NAV1: variants seen among roughly 807,000 people sequenced by gnomAD.
NAV1 encodes the protein pore membrane and/or filament interacting like protein 3.
A neutral mutation model predicts 175.2 loss-of-function variants in NAV1; 18 were observed. That is an observed-to-expected ratio of 0.10 (90% CI 0.07 to 0.15). NAV1 has a LOEUF of 0.15. Among genes scored for constraint, NAV1 ranks in the 10% least tolerant of loss-of-function variants. The pLI, the probability that NAV1 is intolerant of heterozygous loss-of-function variation, is 1.00. For missense variants in NAV1, 1,731 were observed against 2,436.6 expected (o/e 0.71, Z 6.10); for synonymous variants, 897 against 978.7 (o/e 0.92, Z 1.56).
chr1:201,623,746 T>C, intron 1 of NAV1, 140 bp downstream of exon 3: 1 of 826,360 alleles, frequency 1.2e-6, no homozygotes, highest in Non-Finnish European at 1.5e-6. Context: ...AGAAGTTAGG[T>C]AGGTGGAGGC....
chr1:201,791,550 C>A (rs139291584), intron 13 of NAV1: 14 of 152,340 alleles, frequency 9.2e-5, no homozygotes, highest in Non-Finnish European at 1.8e-4. Context: ...ACAGCTGAGC[C>A]GGATCTGCAG....
intron 1 of NAV1, among the ~76,000 whole-genome samples, chr1:201,687,323 A>T (rs1001147102): frequency 6.6e-6 from 1 of 152,194 alleles, no homozygotes; most frequent in African/African-American, 2.4e-5. Flanking sequence ...TCAACCAAGG[A>T]TACATCTATT....
intron 2 of NAV1, among the ~76,000 whole-genome samples, chr1:201,634,954 C>T (rs12048854): frequency 0.3 from 45,062 of 152,092 alleles, 7,422 homozygotes; most frequent in African/African-American, 0.45. Flanking sequence ...CCCTGTTTCT[C>T]GCTGCACCAA....
At chr1:201,702,557 A>G (rs1671470883) in intron 1 of NAV1, among the ~76,000 whole-genome samples, 1 of 152,060 alleles carries the variant, frequency 6.6e-6, no homozygotes, top group Non-Finnish European at 1.5e-5. Flanking sequence ...TTTAGTAGAG[A>G]TGGGGTTTCA....
At chr1:201,683,372 T>C (rs948977690) in intron 1 of NAV1, among the ~76,000 whole-genome samples, 1 of 152,120 alleles carries the variant, frequency 6.6e-6, no homozygotes, top group African/African-American at 2.4e-5. Context: ...GAATACAATT[T>C]TTCCACGGAC....
rs147116714 is a variant in NAV1 at position 201,641,838 on chromosome 1, G to C, written c.5-6796G>C. 5.9e-5 allele frequency among the ~76,000 whole-genome samples: 9 copies of C among 152,174 alleles called. No individual in the cohort carries two copies. In the East Asian group the frequency reaches 1.7e-3, roughly 30 times the overall value. On this transcript the variant is annotated intron_variant, in intron 2 of 29. Transcript: ENST00000367302. ...CTCCCCTGCTCTGCCCTTAACCCTG[G>C]AGGAAGCCAAGTATGGGCTCATGTG...
chr1:201,544,658 G>A (rs1665616146), intron 1 of NAV1, among the ~76,000 whole-genome samples: 1 of 152,140 alleles, frequency 6.6e-6, no homozygotes, highest in Non-Finnish European at 1.5e-5. Context: ...ACCCATCGCT[G>A]AAAGATCCCA....
rs1675858764 is a variant in NAV1, at chr1:201,775,222, G to A, written c.1227-5199G>A. Among the ~76,000 whole-genome samples, 3 of 152,152 alleles carry A rather than the reference G, an allele frequency of 2.0e-5. No homozygotes were observed. The South Asian group carries it at 6.2e-4, about 31-fold the overall frequency. On this transcript the variant is annotated intron_variant, in intron 3 of 29. Transcript: ENST00000367296. ...TAAAACAGGTAGTCTCTGGACTGGTGGACTCCTGACACAAGTGAGGGCATA... is the reference window on the plus strand; with the variant it reads ...TAAAACAGGTAGTCTCTGGACTGGTAGACTCCTGACACAAGTGAGGGCATA...
chr1:201,707,372 C>T (rs748586936), intron 1 of NAV1, among the ~76,000 whole-genome samples: 2 of 152,136 alleles, frequency 1.3e-5, no homozygotes, highest in Non-Finnish European at 2.9e-5. Context: ...TTCCAGGCAC[C>T]GTACTATAAG....
At chr1:201,562,998 G>A (rs947208303) in intron 1 of NAV1, among the ~76,000 whole-genome samples, 2 of 152,170 alleles carry the variant, frequency 1.3e-5, no homozygotes, top group African/African-American at 4.8e-5. Context: ...ACAGGAACAC[G>A]CATAGTAAAT....
chr1:201,762,612 A>G (rs1282628579), intron 3 of NAV1, among the ~76,000 whole-genome samples: 3 of 152,268 alleles, frequency 2.0e-5, no homozygotes, highest in Admixed American at 1.3e-4. Flanking sequence ...TTTGTGCTAC[A>G]ATGGCAGAAT....
chr1:201,820,467 A>C (rs1679319405), exon 30 of NAV1: 1 of 152,822 alleles, frequency 6.5e-6, no homozygotes. Flanking sequence ...GGTTTAAAAA[A>C]TGTTTAAATC....
At chr1:201,758,269 A>T (rs1428601173) in intron 3 of NAV1, among the ~76,000 whole-genome samples, 1 of 152,182 alleles carries the variant, frequency 6.6e-6, no homozygotes, top group Non-Finnish European at 1.5e-5. Flanking sequence ...ACACCCTGAC[A>T]TCGATTTCTT....
intron 29 of NAV1, among the ~76,000 whole-genome samples, chr1:201,818,254 C>T (rs1246896341): frequency 2.6e-5 from 4 of 152,072 alleles, no homozygotes; most frequent in Non-Finnish European, 5.9e-5. Context: ...GAAGGCCAGG[C>T]GTGGTGGCTC....
chr1:201,785,151 A>G (rs1003571609), intron 7 of NAV1, among the ~76,000 whole-genome samples, 159 bp from the exon 12 acceptor site: 1 of 152,174 alleles, frequency 6.6e-6, no homozygotes, highest in Admixed American at 6.5e-5. Context: ...GAAGCAGGCT[A>G]TAGTATCTCT....
intron 2 of NAV1, among the ~76,000 whole-genome samples, chr1:201,604,285 G>T (rs1667606892): frequency 6.6e-6 from 1 of 152,132 alleles, no homozygotes; most frequent in Non-Finnish European, 1.5e-5. Flanking sequence ...CGAATTCCTG[G>T]ACTCAAGTCA....
chr1:201,774,809 C>T (rs182959189), intron 3 of NAV1, among the ~76,000 whole-genome samples: 14 of 152,130 alleles, frequency 9.2e-5, no homozygotes, highest in African/African-American at 2.4e-4. Flanking sequence ...GAAAATAAAG[C>T]GTTTTTCTTT....
intron 17 of NAV1, among the ~76,000 whole-genome samples, chr1:201,805,270 T>C (rs1402588307): frequency 1.3e-5 from 2 of 152,156 alleles, no homozygotes; most frequent in Non-Finnish European, 2.9e-5. Context: ...ACATATAAAA[T>C]TAATAGCAAT....
chr1:201,691,200 C>T (rs113381664), intron 1 of NAV1, among the ~76,000 whole-genome samples: 2 of 152,270 alleles, frequency 1.3e-5, no homozygotes, highest in South Asian at 2.1e-4. Flanking sequence ...CCAGTAACAC[C>T]CCCTCCCAAG....
Sources: allele counts gnomAD v4.1 joint callset (sites outside exome capture counted in the v4.1 genomes callset), GRCh38; gene constraint gnomAD v4.1.1; transcripts MANE v1.5; gene names NCBI Gene and HGNC (gene_info 2026-07-23, HGNC 2026-07-21).